The following OTOGL variants were observed in gnomAD, a reference collection of about 807,000 sequenced individuals.
OTOGL encodes the protein otogelin like.
OTOGL carries 285 observed loss-of-function variants against 318.5 expected under a neutral mutation model. That is an observed-to-expected ratio of 0.89 (90% CI 0.81 to 0.99). The LOEUF (loss-of-function observed/expected upper bound fraction) is 0.99, where lower values mean the gene tolerates loss of function less well. Among genes scored for constraint, OTOGL ranks in the 50% least tolerant of loss-of-function variants. The probability of loss-of-function intolerance (pLI) is 0.00; values close to 1 mark genes in which losing one functional copy is unlikely to be tolerated. For synonymous variants in OTOGL, 987 were observed against 936.5 expected (o/e 1.05, Z -0.99); for missense variants, 2,899 against 2,845.6 (o/e 1.02, Z -0.43).
Position 80,257,962 on chromosome 12 carries a change from CTG to C in OTOGL, c.1854_1855del (p.Cys618TrpfsTer4). ...CGCATGGAAAAGAAGAACATTAGGT[CTG>C]TGTGGCACTTTTAATGGCAACATAA... ...TSAWKRRTLG[L>X]CGTFNGNIRD... On this transcript the variant is annotated frameshift_variant, in exon 18 of 59. Coordinates refer to ENST00000547103, the MANE Select transcript of OTOGL (RefSeq NM_001378609.3). LOFTEE classifies it high-confidence loss of function. 1 of 1,594,244 alleles carries C rather than the reference CTG, an allele frequency of 6.3e-7. No homozygotes were observed. The highest frequency in any genetic ancestry group is 2.2e-5 in the East Asian group (1 of 44,800).
chr12:80,108,501 A>AT (rs1869590846), intron 1 of OTOGL, among the ~76,000 whole-genome samples: 1 of 151,626 alleles, frequency 6.6e-6, no homozygotes, highest in Admixed American at 6.6e-5. Context: ...CTTGCTAGAT[A>AT]TTTTTCATTG....
At chr12:80,157,550 A>T (rs927303988) in intron 1 of OTOGL, among the ~76,000 whole-genome samples, 1 of 152,150 alleles carries the variant, frequency 6.6e-6, no homozygotes, top group Admixed American at 6.6e-5. Flanking sequence ...TAGTAGTTTC[A>T]TAGTTTGAGG....
intron 56 of OTOGL, 73 bp downstream of exon 56, chr12:80,370,762 G>A (rs552297991): frequency 1.1e-5 from 13 of 1,157,580 alleles, no homozygotes; most frequent in Non-Finnish European, 1.5e-5. Context: ...ATTTTCTAAG[G>A]TCATACTTTC....
At chr12:80,162,227 T>C (rs1042363650) in intron 1 of OTOGL, among the ~76,000 whole-genome samples, 17 of 152,166 alleles carry the variant, frequency 1.1e-4, no homozygotes, top group African/African-American at 4.1e-4. Context: ...GAAATGGCAA[T>C]CACAAAACCA....
chr12:80,357,189 C>T lies in OTOGL; in HGVS notation c.6019+275C>T, dbSNP rs550707581. Reference sequence around the variant, plus strand: ...TTTAAATAAGGCCAATACCTTTTTTCGAAGAAAAATTTAGCACTGGCTTTC... The same window carrying T: ...TTTAAATAAGGCCAATACCTTTTTTTGAAGAAAAATTTAGCACTGGCTTTC... On this transcript the variant is annotated intron_variant, in intron 49 of 58. Coordinates refer to ENST00000547103, the MANE Select transcript of OTOGL (RefSeq NM_001378609.3). Among the ~76,000 whole-genome samples the T allele has an allele frequency of 1.2e-4, 19 of 152,004 alleles. No homozygotes were observed. The South Asian group carries it at 3.1e-3, about 25-fold the overall frequency.
intron 1 of OTOGL, among the ~76,000 whole-genome samples, chr12:80,162,410 T>C (rs1873572835): frequency 6.6e-6 from 1 of 152,086 alleles, no homozygotes; most frequent in Admixed American, 6.6e-5. Context: ...TGAAGTTAGC[T>C]CTCATAAGTA....
intron 32 of OTOGL, among the ~76,000 whole-genome samples, chr12:80,316,360 T>C (rs1886972690): frequency 6.6e-6 from 1 of 152,220 alleles, no homozygotes; most frequent in Non-Finnish European, 1.5e-5. Flanking sequence ...TCTCCATCTG[T>C]GCCTTTGTAT....
Position 80,265,219 on chromosome 12 carries a change from A to G in OTOGL, c.2224+9A>G, listed in dbSNP as rs1469765445. 5.0e-6 allele frequency: 8 copies of G among 1,606,638 alleles called. No individual in the cohort carries two copies. Among genetic ancestry groups the G allele is most frequent in the South Asian group, 1.1e-5 (1 of 90,762 alleles). On this transcript the variant is annotated intron_variant, in intron 20 of 58. Coordinates refer to ENST00000547103, the MANE Select transcript of OTOGL (RefSeq NM_001378609.3). ...TCAGATTTCTTTCTGTGGTGAGTAC[A>G]ATGGCACAGATAAAGACTATCAGAT...
intron 58 of OTOGL, 151 bp from the exon 59 acceptor site, chr12:80,377,697 T>G: frequency 1.5e-6 from 1 of 648,648 alleles, no homozygotes; most frequent in Non-Finnish European, 2.6e-6. Context: ...GATGTTTCAT[T>G]TATTGTTTTT....
At chr12:80,148,503 A>T (rs1225746817) in intron 1 of OTOGL, among the ~76,000 whole-genome samples, 1 of 148,352 alleles carries the variant, frequency 6.7e-6, no homozygotes, top group South Asian at 2.2e-4. Context: ...CCTTCATTTC[A>T]ACTTTGGTGA....
chr12:80,328,319 A>AAACAACAACAACAAC (rs3045899), intron 35 of OTOGL, among the ~76,000 whole-genome samples: 235 of 148,858 alleles, frequency 1.6e-3, no homozygotes, highest in Non-Finnish European at 2.3e-3. Flanking sequence ...ACCCTGTCAC[A>AAACAACAACAACAAC]AACAACAACA....
chr12:80,176,565 C>A (rs1874542542), intron 1 of OTOGL, among the ~76,000 whole-genome samples: 1 of 151,958 alleles, frequency 6.6e-6, no homozygotes, highest in Non-Finnish European at 1.5e-5. Flanking sequence ...TATTCATATC[C>A]TTGCATGTAC....
At chr12:80,228,198 T>A (rs751191019) in intron 7 of OTOGL, among the ~76,000 whole-genome samples, 47 of 152,176 alleles carry the variant, frequency 3.1e-4, no homozygotes, top group Non-Finnish European at 5.7e-4. Context: ...CCCAGCACTT[T>A]GGGAGGCTGA....
At chr12:80,220,569 TG>T (rs1878214623) in intron 6 of OTOGL, among the ~76,000 whole-genome samples, 1 of 150,626 alleles carries the variant, frequency 6.6e-6, no homozygotes, top group African/African-American at 2.5e-5. Context: ...CTGGACACTT[TG>T]TATGTAAAAA....
chr12:80,268,724 C>T (rs186359092), intron 22 of OTOGL, among the ~76,000 whole-genome samples: 15 of 152,182 alleles, frequency 9.9e-5, no homozygotes, highest in South Asian at 8.3e-4. Flanking sequence ...ACTTTCTACG[C>T]GTAGTCAAAA....
intron 52 of OTOGL, among the ~76,000 whole-genome samples, chr12:80,364,964 A>T (rs891531096): frequency 1.3e-5 from 2 of 152,106 alleles, no homozygotes; most frequent in Non-Finnish European, 2.9e-5. Flanking sequence ...CTCCATGTAT[A>T]TTAACCCATT....
chr12:80,355,708 G>A (rs2138019959), intron 46 of OTOGL, 28 bp from the exon 47 acceptor site: 1 of 1,564,106 alleles, frequency 6.4e-7, no homozygotes, highest in Non-Finnish European at 8.7e-7. Flanking sequence ...CAGGTTTTGA[G>A]TGTTATAATA....
At chr12:80,172,260 G>C (rs553322012) in intron 1 of OTOGL, among the ~76,000 whole-genome samples, 5 of 150,810 alleles carry the variant, frequency 3.3e-5, no homozygotes, top group Admixed American at 1.3e-4. Context: ...CTTTGTGAAG[G>C]TTTCCTAGAT....
intron 22 of OTOGL, 61 bp downstream of exon 22, chr12:80,267,388 CT>C (rs1193646333): frequency 1.2e-6 from 1 of 809,024 alleles, no homozygotes. Flanking sequence ...ATAATTCTTT[CT>C]TTTATATATA....
Sources: gnomAD v4.1 joint callset for allele counts (sites outside exome capture counted in the v4.1 genomes callset) on GRCh38, gnomAD v4.1.1 for gene constraint, MANE v1.5 for transcripts, NCBI Gene and HGNC (gene_info 2026-07-23, HGNC 2026-07-21) for gene names.